The following BRPF3 variants were observed in gnomAD, a reference collection of about 807,000 sequenced individuals.
The protein encoded by BRPF3 is bromodomain and PHD finger-containing protein 3.
A neutral mutation model predicts 102.0 loss-of-function variants in BRPF3; 18 were observed. That is an observed-to-expected ratio of 0.18 (90% CI 0.12 to 0.26). BRPF3 has a LOEUF of 0.26. BRPF3 is among the 10% of genes least tolerant of loss of function. The pLI is 1.00. For missense variants in BRPF3, 1,147 were observed against 1,567.8 expected, an observed-to-expected ratio of 0.73 and a Z score of 4.53; for synonymous variants, 570 against 614.2, an observed-to-expected ratio of 0.93 and a Z score of 1.06.
Position 36,217,950 on chromosome 6 carries a change from G to A in BRPF3, c.3023G>A (p.Ser1008Asn). The change falls in exon 9 of 13, where the codon AGC becomes AAC. Residue 1008 changes from serine (S) to asparagine (N), a missense_variant. Physicochemically the swap from Ser to Asn is conservative, Grantham distance 46 (BLOSUM62 1). Transcript: ENST00000357641. The stretch of plus-strand genomic sequence containing the variant: ...AACGGCTTTGGAAAACACACCGAAA[G>A]CGGGTCTGACTCTGAATGTAGTTTG... ...MTNGFGKHTE[S>N]GSDSECSLGL... The A allele has an allele frequency of 6.2e-7, 1 of 1,613,720 alleles. No homozygotes were observed.
At chr6:36,224,874 G>A (rs975937708) in intron 10 of BRPF3, among the ~76,000 whole-genome samples, 1 of 152,162 alleles carries the variant, frequency 6.6e-6, no homozygotes, top group African/African-American at 2.4e-5. Context: ...AAAATCAAAA[G>A]AAGAATGATA....
chr6:36,207,261 A>G, intron 3 of BRPF3, 52 bp from the exon 4 acceptor site: 1 of 1,595,012 alleles, frequency 6.3e-7, no homozygotes. Context: ...GAACAGGGAG[A>G]GGACTTTTGC....
chr6:36,214,466 G>T (rs1768256407), intron 8 of BRPF3, 80 bp downstream of exon 8: 1 of 1,458,154 alleles, frequency 6.9e-7, no homozygotes, highest in Non-Finnish European at 9.0e-7. Flanking sequence ...TTCCCCAATT[G>T]GCCATCTCTC....
intron 10 of BRPF3, among the ~76,000 whole-genome samples, chr6:36,223,136 T>G (rs928413715): frequency 7.9e-5 from 12 of 152,204 alleles, no homozygotes; most frequent in Admixed American, 3.9e-4. Flanking sequence ...CTCATCTCTG[T>G]CCAGCCCTGC....
intron 7 of BRPF3, among the ~76,000 whole-genome samples, chr6:36,213,398 C>G (rs1001673689): frequency 2.0e-5 from 3 of 151,994 alleles, no homozygotes; most frequent in Admixed American, 2.0e-4. Context: ...GTAGATAAAA[C>G]TTACTTCTCC....
Position 36,214,117 on chromosome 6 carries a change from T to C in BRPF3, c.2720T>C (p.Leu907Pro), listed in dbSNP as rs752407015. 27 of 1,614,062 alleles carry C rather than the reference T, an allele frequency of 1.7e-5. No homozygotes were observed. The African/African-American group carries it at 2.7e-4, about 16-fold the overall frequency. ...CTCAGTGACAATGGCATCAACAGAC[T>C]ATCCCTCATGGCCCCTGACACCCCG... ...RLLSDNGINR[L>P]SLMAPDTPAG... Residue 907 changes from leucine (L) to proline (P), a missense_variant, in exon 8 of 13, where the codon CTA (leucine) becomes CCA (proline). Leu to Pro is a moderately conservative substitution (Grantham distance 98, BLOSUM62 -3). Transcript: ENST00000357641.
At chr6:36,206,885 A>G (rs2127280510) in intron 3 of BRPF3, among the ~76,000 whole-genome samples, 1 of 152,322 alleles carries the variant, frequency 6.6e-6, no homozygotes, top group South Asian at 2.1e-4. Context: ...TTTCTAGGGC[A>G]GGAATCGTGA....
intron 4 of BRPF3, among the ~76,000 whole-genome samples, chr6:36,207,729 G>A (rs934155797): frequency 6.6e-6 from 1 of 152,218 alleles, no homozygotes; most frequent in South Asian, 2.1e-4. Context: ...CTCAGAGGGA[G>A]CCTGGCCTTG....
intron 11 of BRPF3, among the ~76,000 whole-genome samples, chr6:36,228,563 AGGTAGTG>A (rs1768823230): frequency 6.6e-6 from 1 of 152,206 alleles, no homozygotes; most frequent in African/African-American, 2.4e-5. Flanking sequence ...TCAGACAGGA[AGGTAGTG>A]GGTAACCAGA....
intron 4 of BRPF3, 95 bp from the exon 5 acceptor site, chr6:36,209,692 G>T (rs114964431): frequency 2.0e-6 from 3 of 1,486,652 alleles, no homozygotes; most frequent in East Asian, 2.3e-5. Flanking sequence ...AAAATTTGTT[G>T]TACAAGATTG....
intron 8 of BRPF3, among the ~76,000 whole-genome samples, chr6:36,217,714 C>T (rs1424627980): frequency 2.0e-5 from 3 of 152,166 alleles, no homozygotes; most frequent in Non-Finnish European, 2.9e-5. Context: ...GTGTCTGCTC[C>T]TTGCCCTAGC....
intron 7 of BRPF3, among the ~76,000 whole-genome samples, chr6:36,213,511 CAGTA>C (rs1282851393): frequency 6.6e-6 from 1 of 151,990 alleles, no homozygotes; most frequent in African/African-American, 2.4e-5. Flanking sequence ...CTGGGCAACA[CAGTA>C]AGACCCTGTC....
chr6:36,207,234 G>C, intron 3 of BRPF3, 79 bp from the exon 4 acceptor site: 1 of 1,548,382 alleles, frequency 6.5e-7, no homozygotes, highest in African/African-American at 1.4e-5. Flanking sequence ...TTTACCTGCT[G>C]CAGCCCCGTG....
At chr6:36,209,954 G>A (rs1561823795) in intron 5 of BRPF3, 39 bp downstream of exon 5, 1 of 1,610,770 alleles carries the variant, frequency 6.2e-7, no homozygotes, top group African/African-American at 1.3e-5. Flanking sequence ...AATTCTTCTT[G>A]AACTGGAACA....
At chr6:36,224,454 GGATACC>G (rs1768663795) in intron 10 of BRPF3, among the ~76,000 whole-genome samples, 1 of 152,158 alleles carries the variant, frequency 6.6e-6, no homozygotes, top group African/African-American at 2.4e-5. Flanking sequence ...CCTGCTCCAG[GGATACC>G]CAGTCTCATT....
intron 10 of BRPF3, among the ~76,000 whole-genome samples, chr6:36,224,416 G>C (rs1768662306): frequency 6.6e-6 from 1 of 152,188 alleles, no homozygotes; most frequent in African/African-American, 2.4e-5. Context: ...GTTGAGTGCA[G>C]AGCAAAGTAA....
At chr6:36,197,436 C>T (rs4713936) in intron 1 of BRPF3, 87,678 of 152,150 alleles carry the variant, frequency 0.58, 26,372 homozygotes, top group South Asian at 0.76. Context: ...TCGCCCCTCC[C>T]CTCTGAGGAG....
chr6:36,212,332 G>A (rs909251677), intron 7 of BRPF3, among the ~76,000 whole-genome samples: 2 of 152,038 alleles, frequency 1.3e-5, no homozygotes, highest in African/African-American at 4.8e-5. Flanking sequence ...GCACACAGTC[G>A]AAAAGGCTGG....
chr6:36,200,734 T>C lies in BRPF3; in HGVS notation c.412T>C (p.Tyr138His). 6.2e-7 allele frequency: 1 copy of C among 1,614,180 alleles called. No homozygotes were observed. Among genetic ancestry groups the C allele is most frequent in the South Asian group, 1.1e-5 (1 of 91,082 alleles). The part of the protein sequence containing the change: ...PEAPPLPAAY[Y>H]RYIEKPPEDL... ...AGCACCCCCGCTGCCTGCTGCCTAC[T>C]ACCGCTACATTGAGAAGCCACCTGA... Residue 138 changes from tyrosine (Y) to histidine (H), a missense_variant, in exon 2 of 13, where the codon TAC becomes CAC. This residue lies in a region of BRPF3 where 221 missense variants were observed against 337.1 expected (regional missense o/e 0.66). Coordinates refer to ENST00000357641, the MANE Select transcript of BRPF3 (RefSeq NM_015695.3). The surrounding 1 kb of genome is among the most constrained non-coding windows in gnomAD (Gnocchi z 5.3).
Sources: allele counts gnomAD v4.1 joint callset (sites outside exome capture counted in the v4.1 genomes callset), GRCh38; gene constraint gnomAD v4.1.1; regional missense constraint gnomAD v4.1.1; non-coding constraint Gnocchi (gnomAD v3.1); transcripts MANE v1.5; gene names NCBI Gene and HGNC (gene_info 2026-07-23, HGNC 2026-07-21).